The following FAM149A variants were observed in gnomAD, a reference collection of about 807,000 sequenced individuals.
The protein encoded by FAM149A is family with sequence similarity 149 member A, also known as protein FAM149A.
In FAM149A, 71 loss-of-function variants were observed where a neutral mutation model predicts 78.2. The observed-to-expected ratio is 0.91, with a 90% CI of 0.75 to 1.11. The LOEUF is 1.11. FAM149A is among the 50% of genes least tolerant of loss of function. The probability of loss-of-function intolerance (pLI) is 0.00; values close to 1 mark genes in which losing one functional copy is unlikely to be tolerated. For synonymous variants in FAM149A, 446 were observed against 410.5 expected (o/e 1.09, Z -1.04); for missense variants, 1,036 against 971.0 (o/e 1.07, Z -0.89).
chr4:186,129,919 T>C (rs1271170502), intron 1 of FAM149A: 1 of 152,208 alleles, frequency 6.6e-6, no homozygotes, highest in Non-Finnish European at 1.5e-5. Context: ...TTGGTAGAAG[T>C]ACCAAGGGCC....
chr4:186,144,681 C>T lies in FAM149A; in HGVS notation c.567-4492C>T. On this transcript the variant is annotated intron_variant, in intron 1 of 13. Transcript: ENST00000389354. This position sits in a 1 kb window ranked among gnomAD's most constrained non-coding sequence, Gnocchi z 4.2. ...GTGGCCGCTGGGTTGGAAACCCGGC[C>T]CGGCAGGGAGCGGGGAAGGCGCGCT... is the stretch of plus-strand genomic sequence containing the variant. 1 of 471,614 alleles carries T rather than the reference C, an allele frequency of 2.1e-6. No homozygotes were observed. The highest frequency in any genetic ancestry group is 2.8e-6 in the Non-Finnish European group (1 of 359,492). The allele number at this position is 471,614 out of a possible 1,614,324, so 29.2% of individuals were successfully genotyped here. A position where few individuals can be genotyped will look rare whatever the true frequency, so the allele number is the denominator to read the frequency against.
intron 8 of FAM149A, among the ~76,000 whole-genome samples, chr4:186,160,622 C>T (rs1734513197): frequency 1.3e-5 from 2 of 148,374 alleles, no homozygotes; most frequent in Admixed American, 1.3e-4. Context: ...CATACACAAC[C>T]CACAACACAC....
rs901351970 is a variant in FAM149A, at chr4:186,164,592, C to T, written c.1890-752C>T. 6 of 598,074 alleles carry T rather than the reference C, an allele frequency of 1.0e-5. No individual in the cohort carries two copies. The East Asian group carries it at 7.1e-4, about 71-fold the overall frequency. 37.0% of individuals were successfully genotyped at this position (598,074 alleles called of 1,614,324 possible). A position where few individuals can be genotyped will look rare whatever the true frequency, so the allele number is the denominator to read the frequency against. On this transcript the variant is annotated intron_variant, in intron 10 of 13. Transcript: ENST00000389354. The surrounding 1 kb of genome is among the most constrained non-coding windows in gnomAD (Gnocchi z 4.0). ...CTGTGTTGGGTCTGCTGTGCTGATTCCTTCGAGATCCCTCTCCCTCCTCCG... is the reference window on the plus strand; with the variant it reads ...CTGTGTTGGGTCTGCTGTGCTGATTTCTTCGAGATCCCTCTCCCTCCTCCG...
At chr4:186,158,816 A>C (rs1734283352) in intron 8 of FAM149A, 4 of 1,006,238 alleles carry the variant, frequency 4.0e-6, no homozygotes, top group African/African-American at 1.7e-5. Context: ...CAGGCCCCTG[A>C]ATGAGGAGGA....
Position 186,105,638 on chromosome 4 carries a change from G to A in FAM149A, c.562G>A (p.Glu188Lys), listed in dbSNP as rs1200188537. ...CTCGGACGGCGACTCCGGGGATGGC[G>A]AAGCGTGAGTAGCAGCGTGGTCCGG... The change falls in exon 1 of 14, where the codon GAA becomes AAA. Residue 188 changes from glutamate to lysine, a missense_variant. Physicochemically the swap from Glu to Lys is moderately conservative, Grantham distance 56. This residue lies in a region of FAM149A where 316 missense variants were observed against 241.9 expected (regional missense o/e 1.31). Transcript: ENST00000389354. 2 of 1,064,356 alleles carry A rather than the reference G, an allele frequency of 1.9e-6. No individual in the cohort carries two copies. The highest frequency in any genetic ancestry group is 1.1e-4 in the East Asian group (1 of 8,992). The allele number at this position is 1,064,356 out of a possible 1,614,324, so 65.9% of individuals were successfully genotyped here. A position where few individuals can be genotyped will look rare whatever the true frequency, so the allele number is the denominator to read the frequency against.
At chr4:186,169,147 C>T (rs1288551047) in intron 13 of FAM149A, 2 of 975,160 alleles carry the variant, frequency 2.1e-6, no homozygotes, top group African/African-American at 3.5e-5. Context: ...TGTTCTAAAT[C>T]TCACTGTTAA....
intron 13 of FAM149A, 38 bp from the exon 14 acceptor site, chr4:186,171,876 C>A (rs956171188): frequency 1.3e-6 from 2 of 1,566,548 alleles, no homozygotes; most frequent in African/African-American, 1.4e-5. Flanking sequence ...GCCTTTGTAA[C>A]ATTTTAATGA....
intron 1 of FAM149A, among the ~76,000 whole-genome samples, chr4:186,135,710 A>T (rs141210709): frequency 6.6e-6 from 1 of 152,304 alleles, no homozygotes; most frequent in Non-Finnish European, 1.5e-5. Flanking sequence ...GCGCTTAGGA[A>T]CACTCGGCAG....
chr4:186,145,141 C>T, intron 1 of FAM149A: 4 of 985,608 alleles, frequency 4.1e-6, no homozygotes, highest in South Asian at 4.7e-5. Flanking sequence ...CAGGGCTCGC[C>T]TTCTGGCCGC....
intron 3 of FAM149A, 66 bp from the exon 4 acceptor site, chr4:186,151,837 C>T (rs1205338526): frequency 2.2e-5 from 35 of 1,574,648 alleles, no homozygotes; most frequent in Middle Eastern, 1.7e-4. Flanking sequence ...GTATAAGTAG[C>T]GTTGATCCAG....
At chr4:186,158,681 C>T in intron 8 of FAM149A, 2 of 1,093,736 alleles carry the variant, frequency 1.8e-6, no homozygotes, top group Non-Finnish European at 2.2e-6. Flanking sequence ...GCACGCACTG[C>T]TGCTCAGCCT....
rs2099323476 is a variant in FAM149A, at chr4:186,136,992, C to CTCTCTCTCTT, written c.567-12172_567-12171insTTCTCTCTCT. Among the ~76,000 whole-genome samples, 106 of 126,764 alleles carry CTCTCTCTCTT rather than the reference C, an allele frequency of 8.4e-4. 4 individuals carry two copies. In the South Asian group the frequency reaches 0.011, roughly 14 times the overall value. The allele number at this position is 126,764 out of a possible 152,430, so 83.2% of individuals were successfully genotyped here. On this transcript the variant is annotated intron_variant, in intron 1 of 13. Transcript: ENST00000389354. ...TCTCTCTCTTTCTCTCTCTCTCTCT[C>CTCTCTCTCTT]TCTCTCTCTCTCTCTCTCTCTCTCT...
At chr4:186,136,966 CTCTCTCTCTT>C (rs1382232458) in intron 1 of FAM149A, among the ~76,000 whole-genome samples, 5,892 of 77,610 alleles carry the variant, frequency 0.076, 225 homozygotes, top group East Asian at 0.2. Context: ...CTCTCTCTTT[CTCTCTCTCTT>C]TCTCTCTCTC....
intron 3 of FAM149A, among the ~76,000 whole-genome samples, chr4:186,149,918 G>A (rs193238868): frequency 5.9e-5 from 9 of 152,278 alleles, no homozygotes; most frequent in Admixed American, 4.6e-4. Flanking sequence ...TTCTGGCCCC[G>A]TCTTAGCTGC....
At chr4:186,126,963 G>C (rs2099318578) in intron 1 of FAM149A, 1 of 985,294 alleles carries the variant, frequency 1.0e-6, no homozygotes. Context: ...TGGAACCACT[G>C]AAGAGGCTTA....
At chr4:186,126,110 A>C in intron 1 of FAM149A, 1 of 985,178 alleles carries the variant, frequency 1.0e-6, no homozygotes, top group Non-Finnish European at 1.2e-6. Context: ...TTATTTCCAC[A>C]AAATGAAATC....
At chr4:186,170,861 C>G (rs1735468192) in intron 13 of FAM149A, 1 of 152,270 alleles carries the variant, frequency 6.6e-6, no homozygotes, top group Non-Finnish European at 1.5e-5. Context: ...CGGTCGTCCT[C>G]CAAACCAAAG....
In FAM149A at chr4:186,142,417, G is replaced by A. The variant is rs75668265; in HGVS notation, c.567-6756G>A. ...GCATCTTGAAAGAGCTGAGTGTATCGTGCATGTGTAAATGACCTGTGGCCA... is the reference window on the plus strand; with the variant it reads ...GCATCTTGAAAGAGCTGAGTGTATCATGCATGTGTAAATGACCTGTGGCCA... On this transcript the variant is annotated intron_variant, in intron 1 of 13. Transcript: ENST00000389354. 7.0e-3 allele frequency among the ~76,000 whole-genome samples: 1,070 copies of A among 152,326 alleles called. 11 individuals carry two copies. The highest frequency in any genetic ancestry group is 0.041 in the Middle Eastern group (12 of 294).
At position 186,167,599 on chromosome 4, in the gene FAM149A, ACT is replaced by A. The variant is rs774744012; in HGVS notation, c.2218+340_2218+341del. ...TTTTCATGCTCTATTTCTAAGTGAA[ACT>A]CTACTCTCAGATTCTCTTTGAAAAT... On this transcript the variant is annotated intron_variant, in intron 13 of 13. Transcript: ENST00000389354. 7.7e-5 allele frequency: 24 copies of A among 310,464 alleles called. No homozygotes were observed. The Admixed American group carries it at 9.3e-4, about 12-fold the overall frequency. The allele number at this position is 310,464 out of a possible 1,614,324, so 19.2% of individuals were successfully genotyped here. A position where few individuals can be genotyped will look rare whatever the true frequency, so the allele number is the denominator to read the frequency against.
Sources: gnomAD v4.1 joint callset for allele counts (sites outside exome capture counted in the v4.1 genomes callset) on GRCh38, gnomAD v4.1.1 for gene constraint, gnomAD v4.1.1 regional missense constraint, Gnocchi (gnomAD v3.1) non-coding constraint, MANE v1.5 for transcripts, NCBI Gene and HGNC (gene_info 2026-07-23, HGNC 2026-07-21) for gene names.